The following COL12A1 variants were observed in gnomAD, a reference collection of about 807,000 sequenced individuals.
COL12A1 encodes the protein collagen type XII alpha 1 chain.
COL12A1 carries 114 observed loss-of-function variants against 349.7 expected under a neutral mutation model. The observed-to-expected ratio is 0.33, with a 90% CI of 0.28 to 0.38. The LOEUF (loss-of-function observed/expected upper bound fraction) is 0.38. COL12A1 is among the 10% of genes least tolerant of loss of function. The pLI is 1.00. For synonymous variants in COL12A1, 1,369 were observed against 1,329.0 expected (o/e 1.03, Z -0.66); for missense variants, 3,284 against 3,756.9 (o/e 0.87, Z 3.29).
chr6:75,193,108 T>A (rs182033066), intron 3 of COL12A1, among the ~76,000 whole-genome samples: 7 of 152,114 alleles, frequency 4.6e-5, no homozygotes, highest in Non-Finnish European at 1.0e-4. Flanking sequence ...AACAGACCAC[T>A]GAAAAATGCT....
At chr6:75,111,805 A>AT (rs2149356309) in intron 51 of COL12A1, among the ~76,000 whole-genome samples, 1 of 151,376 alleles carries the variant, frequency 6.6e-6, no homozygotes, top group East Asian at 1.9e-4. Flanking sequence ...GTACTCAGGG[A>AT]TTTTTGTTTT....
chr6:75,203,120 T>A (rs1770614169), intron 1 of COL12A1, among the ~76,000 whole-genome samples: 1 of 152,174 alleles, frequency 6.6e-6, no homozygotes, highest in African/African-American at 2.4e-5. Context: ...CATGACTTCA[T>A]CCTGCCTGGG....
At chr6:75,092,990 T>C (rs574776299) in intron 60 of COL12A1, among the ~76,000 whole-genome samples, 1 of 152,338 alleles carries the variant, frequency 6.6e-6, no homozygotes, top group Non-Finnish European at 1.5e-5. Context: ...TTCCTCTGCC[T>C]GGAACCCTCT....
rs544689010 is a variant in COL12A1 at position 75,137,914 on chromosome 6, T to C, written c.5252-335A>G. On this transcript the variant is annotated intron_variant, in intron 30 of 65. Coordinates refer to ENST00000322507, the MANE Select transcript of COL12A1 (RefSeq NM_004370.6). ...CTTTGTAAGAAGAGACATGAGAGAG[T>C]TTATTCTCTCTCTCTCTCCTCCACG... 2.6e-5 allele frequency among the ~76,000 whole-genome samples: 4 copies of C among 151,832 alleles called. No homozygotes were observed. The South Asian group carries it at 8.4e-4, about 32-fold the overall frequency.
intron 26 of COL12A1, among the ~76,000 whole-genome samples, chr6:75,142,530 G>A (rs554682040): frequency 1.3e-5 from 2 of 152,278 alleles, no homozygotes; most frequent in South Asian, 4.1e-4. Flanking sequence ...AGATCCACTG[G>A]CCATTGTACC....
chr6:75,130,249 A>G lies in COL12A1; in HGVS notation c.6068-16T>C, dbSNP rs901069346. 24 of 1,610,276 alleles carry G rather than the reference A, an allele frequency of 1.5e-5. No homozygotes were observed. Among genetic ancestry groups the G allele is most frequent in the Non-Finnish European group, 2.0e-5 (23 of 1,178,648 alleles). On this transcript the variant is annotated splice_polypyrimidine_tract_variant and intron_variant, in intron 36 of 65. Transcript: ENST00000322507. ...CTGCGTGGTACTAAATAAATAAAAT[A>G]CAATAGAGTTTGTTGCCTGCCTGTG...
chr6:75,094,600 A>G (rs1767921667), intron 60 of COL12A1, among the ~76,000 whole-genome samples: 1 of 152,208 alleles, frequency 6.6e-6, no homozygotes, highest in Non-Finnish European at 1.5e-5. Context: ...GCAGGACAGT[A>G]TTAAAAAAGT....
At position 75,126,443 on chromosome 6, in the gene COL12A1, T is replaced by C; in HGVS notation, c.6368A>G (p.His2123Arg). 3.1e-6 allele frequency: 5 copies of C among 1,611,120 alleles called. No homozygotes were observed. The highest frequency in any genetic ancestry group is 4.2e-6 in the Non-Finnish European group (5 of 1,177,700). The change falls in exon 39 of 66, where the codon CAC becomes CGC. Residue 2123 changes from histidine (H) to arginine (R), a missense_variant. Coordinates refer to ENST00000322507, the MANE Select transcript of COL12A1 (RefSeq NM_004370.6). Reference protein sequence around the residue: ...TVGLLPPQNIHISDEWYTRFR... With the variant: ...TVGLLPPQNIRISDEWYTRFR... Reference sequence around the variant, plus strand: ...TCTTGTATACCATTCGTCAGAGATGTGTATGTTCTGAGGAGGAAGGAGTCC... The same window carrying C: ...TCTTGTATACCATTCGTCAGAGATGCGTATGTTCTGAGGAGGAAGGAGTCC...
chr6:75,186,569 A>G (rs1186154738), intron 8 of COL12A1, among the ~76,000 whole-genome samples: 1 of 152,214 alleles, frequency 6.6e-6, no homozygotes, highest in African/African-American at 2.4e-5. Flanking sequence ...GCAATTCCTC[A>G]AAGAACTAAG....
chr6:75,157,567 G>T (rs1767826092), intron 14 of COL12A1, among the ~76,000 whole-genome samples: 1 of 152,124 alleles, frequency 6.6e-6, no homozygotes, highest in African/African-American at 2.4e-5. Context: ...CCCAGCTATT[G>T]CTTGGAATTT....
At chr6:75,197,386 C>T (rs1770285675) in intron 2 of COL12A1, among the ~76,000 whole-genome samples, 1 of 150,498 alleles carries the variant, frequency 6.6e-6, no homozygotes, top group Non-Finnish European at 1.5e-5. Context: ...GAACTTGGCT[C>T]ACTGCAACCT....
At chr6:75,138,229 G>T in intron 30 of COL12A1, 91 bp downstream of exon 30, 1 of 1,267,346 alleles carries the variant, frequency 7.9e-7, no homozygotes, top group Non-Finnish European at 1.1e-6. Context: ...AAAAGCAGAT[G>T]ACCTATTTAT....
At position 75,087,472 on chromosome 6, in the gene COL12A1, T is replaced by C. The variant is rs879090705; in HGVS notation, c.9181+105A>G. The C allele has an allele frequency of 2.4e-5, 27 of 1,131,524 alleles. No individual in the cohort carries two copies. The South Asian group carries it at 3.3e-4, about 14-fold the overall frequency. 70.1% of individuals were successfully genotyped at this position (1,131,524 alleles called of 1,614,324 possible). A position where few individuals can be genotyped will look rare whatever the true frequency, so the allele number is the denominator to read the frequency against. On this transcript the variant is annotated intron_variant, in intron 65 of 65. Transcript: ENST00000322507. ...AATCAGAACTGAAAGAGTTGTTATC[T>C]TCAAGACATCTTCAAATCAGCCTTC...
intron 11 of COL12A1, among the ~76,000 whole-genome samples, chr6:75,179,851 G>A (rs79507867): frequency 3.3e-5 from 5 of 152,206 alleles, no homozygotes; most frequent in African/African-American, 1.2e-4. Context: ...ATAACAAAGT[G>A]TGTCCAAATA....
At chr6:75,181,232 ACAGTT>A in intron 10 of COL12A1, 21 bp from the exon 11 acceptor site, 2 of 1,353,064 alleles carry the variant, frequency 1.5e-6, no homozygotes, top group Non-Finnish European at 2.1e-6. Context: ...AAAAAAAAAG[ACAGTT>A]AAAAATGCTT....
At chr6:75,163,993 T>C (rs1768152691) in intron 14 of COL12A1, among the ~76,000 whole-genome samples, 2 of 152,190 alleles carry the variant, frequency 1.3e-5, no homozygotes, top group Non-Finnish European at 2.9e-5. Flanking sequence ...TAAATTTAGC[T>C]TTATGTGTCA....
intron 3 of COL12A1, among the ~76,000 whole-genome samples, chr6:75,192,586 T>A (rs571648524): frequency 6.6e-6 from 1 of 152,236 alleles, no homozygotes; most frequent in South Asian, 2.1e-4. Flanking sequence ...TTAATACTTG[T>A]TTGAGAATTC....
Position 75,177,824 on chromosome 6 carries a change from G to GGTCTATATATAA in COL12A1, c.2264_2275dup (p.Arg758_Pro759insLeuIleTyrArg). The GGTCTATATATAA allele has an allele frequency of 1.2e-6, 2 of 1,613,956 alleles. No homozygotes were observed. The highest frequency in any genetic ancestry group is 2.2e-5 in the East Asian group (1 of 44,856). On this transcript the variant is annotated inframe_insertion, in exon 12 of 66. Coordinates refer to ENST00000322507, the MANE Select transcript of COL12A1 (RefSeq NM_004370.6). ...TTCTCTGCTCTCTCCACCAGCAACTGGTCTATATATAATTCGATATCTTAA... is the reference window on the plus strand; with the variant it reads ...TTCTCTGCTCTCTCCACCAGCAACTGGTCTATATATAAGTCTATATATAATTCGATATCTTAA...
At position 75,189,389 on chromosome 6, in the gene COL12A1, G is replaced by A. The variant is rs1341770677; in HGVS notation, c.659-8C>T. ...AATAATCAATGGCATCCCCTAAAGG[G>A]AAAAGAAACATGTTCATTTACTCTG... On this transcript the variant is annotated splice_polypyrimidine_tract_variant and splice_region_variant and intron_variant, in intron 6 of 65. Transcript: ENST00000322507. 6.2e-7 allele frequency: 1 copy of A among 1,610,716 alleles called. No individual in the cohort carries two copies. The highest frequency in any genetic ancestry group is 2.2e-5 in the East Asian group (1 of 44,818).
Sources: gnomAD v4.1 joint callset for allele counts (sites outside exome capture counted in the v4.1 genomes callset) on GRCh38, gnomAD v4.1.1 for gene constraint, MANE v1.5 for transcripts, NCBI Gene and HGNC (gene_info 2026-07-23, HGNC 2026-07-21) for gene names.